The following CDH12 variants were observed in gnomAD, a reference collection of about 807,000 sequenced individuals.
CDH12 encodes the protein cadherin-12.
In CDH12, 41 loss-of-function variants were observed where a neutral mutation model predicts 74.1. That is an observed-to-expected ratio of 0.55 (90% CI 0.43 to 0.72). The LOEUF is 0.72. Ranked by LOEUF, CDH12 falls within the 30% of genes least tolerant of loss-of-function variation. CDH12 has a pLI of 0.00. For synonymous variants in CDH12, 399 were observed against 355.0 expected (o/e 1.12, Z -1.39); for missense variants, 945 against 977.2 (o/e 0.97, Z 0.44).
chr5:22,068,497 T>A (rs1344295322), intron 5 of CDH12, among the ~76,000 whole-genome samples: 1 of 152,096 alleles, frequency 6.6e-6, no homozygotes, highest in Non-Finnish European at 1.5e-5. Flanking sequence ...TGGTTTTTCA[T>A]TTTGCATAGA....
chr5:21,935,189 T>C (rs1755023532), intron 6 of CDH12, among the ~76,000 whole-genome samples: 1 of 152,192 alleles, frequency 6.6e-6, no homozygotes, highest in Admixed American at 6.5e-5. Flanking sequence ...TTTCATATAT[T>C]GTGCTAAGTT....
intron 2 of CDH12, among the ~76,000 whole-genome samples, chr5:22,471,121 T>C (rs1416063174): frequency 6.6e-6 from 1 of 152,046 alleles, no homozygotes. Flanking sequence ...GTTGATGAAC[T>C]TACTCCTAGT....
At chr5:21,903,285 G>A (rs1249180798) in intron 6 of CDH12, among the ~76,000 whole-genome samples, 5 of 152,132 alleles carry the variant, frequency 3.3e-5, no homozygotes, top group African/African-American at 4.8e-5. Flanking sequence ...AATTTGTGCT[G>A]CAGATGCTTT....
intron 4 of CDH12, among the ~76,000 whole-genome samples, chr5:22,180,626 G>A (rs993262208): frequency 3.3e-5 from 5 of 151,876 alleles, no homozygotes; most frequent in Non-Finnish European, 5.9e-5. Context: ...CGATTTTCCT[G>A]CCTTAGCCTC....
intron 1 of CDH12, among the ~76,000 whole-genome samples, chr5:22,688,681 G>T (rs1390321331): frequency 1.3e-5 from 2 of 152,090 alleles, no homozygotes; most frequent in African/African-American, 4.8e-5. Context: ...AAACATTCTT[G>T]TTGCACTGGA....
chr5:22,630,757 C>G lies in CDH12; in HGVS notation c.-522-125393G>C, dbSNP rs190599094. Among the ~76,000 whole-genome samples the G allele has an allele frequency of 2.9e-4, 44 of 152,142 alleles. No homozygotes were observed. The East Asian group carries it at 2.9e-3, about 10-fold the overall frequency. On this transcript the variant is annotated intron_variant, in intron 1 of 14. Transcript: ENST00000382254. ...GATTTCATGACAAAGATCCCAAAAG[C>G]TATTGCAACAAAAATAAGAATTTAA...
chr5:21,777,756 G>A (rs574352726), intron 11 of CDH12, among the ~76,000 whole-genome samples: 7 of 152,144 alleles, frequency 4.6e-5, no homozygotes, highest in African/African-American at 9.7e-5. Flanking sequence ...CTCCCAAAGT[G>A]CTGGGATTGC....
At chr5:22,121,638 A>T (rs1339192323) in intron 4 of CDH12, among the ~76,000 whole-genome samples, 2 of 152,214 alleles carry the variant, frequency 1.3e-5, no homozygotes, top group African/African-American at 4.8e-5. Flanking sequence ...CATTGTAAAT[A>T]CAGTATAAGC....
chr5:22,187,046 CAA>C (rs1749995621), intron 4 of CDH12, among the ~76,000 whole-genome samples: 1 of 151,954 alleles, frequency 6.6e-6, no homozygotes, highest in Admixed American at 6.6e-5. Flanking sequence ...ATTTATAAAA[CAA>C]AATAGATATT....
chr5:22,700,769 T>C (rs1742673049), intron 1 of CDH12, among the ~76,000 whole-genome samples: 1 of 152,186 alleles, frequency 6.6e-6, no homozygotes, highest in South Asian at 2.1e-4. Flanking sequence ...ATTGAATCCA[T>C]TAATTCTAAT....
intron 3 of CDH12, among the ~76,000 whole-genome samples, chr5:22,272,234 T>C (rs1159654448): frequency 1.3e-5 from 2 of 152,226 alleles, no homozygotes; most frequent in Admixed American, 6.5e-5. Context: ...AGATGACTTA[T>C]TCCTTAAACC....
At chr5:22,283,514 CAGAA>C (rs1737009644) in intron 3 of CDH12, among the ~76,000 whole-genome samples, 1 of 151,612 alleles carries the variant, frequency 6.6e-6, no homozygotes, top group Non-Finnish European at 1.5e-5. Flanking sequence ...GACATAAGAA[CAGAA>C]AGGCAAATAC....
At chr5:22,778,801 T>C (rs991762060) in intron 1 of CDH12, among the ~76,000 whole-genome samples, 3 of 152,122 alleles carry the variant, frequency 2.0e-5, no homozygotes, top group Admixed American at 1.3e-4. Flanking sequence ...AGAATGAAAA[T>C]TCAAAAACTA....
At chr5:21,808,818 T>C (rs933859162) in intron 9 of CDH12, among the ~76,000 whole-genome samples, 1 of 152,026 alleles carries the variant, frequency 6.6e-6, no homozygotes, top group South Asian at 2.1e-4. Context: ...ATATTTTATA[T>C]AAAAAAGCTG....
chr5:22,146,908 C>T (rs1747223622), intron 4 of CDH12, among the ~76,000 whole-genome samples: 1 of 152,084 alleles, frequency 6.6e-6, no homozygotes, highest in African/African-American at 2.4e-5. Context: ...ACCTGCTAAA[C>T]AAGACAAGAC....
rs1215408242 is a variant in CDH12 at position 22,154,495 on chromosome 5, A to G, written c.-187+58003T>C. The stretch of plus-strand genomic sequence containing the variant: ...TACACATATATATGTACACATATAT[A>G]TGTACACATATATATGTACACATAT... On this transcript the variant is annotated intron_variant, in intron 4 of 14. Coordinates refer to ENST00000382254, the MANE Select transcript of CDH12 (RefSeq NM_004061.5). Among the ~76,000 whole-genome samples, 14 of 41,680 alleles carry G rather than the reference A, an allele frequency of 3.4e-4. 1 individual carries two copies. The South Asian group carries it at 0.013, about 39-fold the overall frequency. 27.3% of individuals were successfully genotyped at this position (41,680 alleles called of 152,430 possible). A position where few individuals can be genotyped will look rare whatever the true frequency, so the allele number is the denominator to read the frequency against.
chr5:22,182,851 T>A (rs1749719097), intron 4 of CDH12, among the ~76,000 whole-genome samples: 1 of 151,810 alleles, frequency 6.6e-6, no homozygotes, highest in Non-Finnish European at 1.5e-5. Context: ...GAACTTTCTC[T>A]ACAACTGATT....
chr5:21,908,206 T>C (rs1033267870), intron 6 of CDH12, among the ~76,000 whole-genome samples: 1 of 152,200 alleles, frequency 6.6e-6, no homozygotes, highest in Non-Finnish European at 1.5e-5. Flanking sequence ...ATGATTAGTG[T>C]GGCTGCCAGA....
intron 1 of CDH12, among the ~76,000 whole-genome samples, chr5:22,698,181 G>A (rs532124759): frequency 4.3e-5 from 6 of 139,880 alleles, no homozygotes; most frequent in African/African-American, 1.1e-4. Flanking sequence ...GAGTGCAATG[G>A]CACAATCTCA....
Sources: gnomAD v4.1 joint callset for allele counts (sites outside exome capture counted in the v4.1 genomes callset) on GRCh38, gnomAD v4.1.1 for gene constraint, MANE v1.5 for transcripts, NCBI Gene and HGNC (gene_info 2026-07-23, HGNC 2026-07-21) for gene names.